Variants in AMBRA1 observed in about 807,000 individuals in gnomAD.
AMBRA1 encodes the protein autophagy and beclin 1 regulator 1.
In AMBRA1, 47 loss-of-function variants were observed where a neutral mutation model predicts 125.4. The observed-to-expected ratio is 0.37, with a 90% CI of 0.30 to 0.48. The LOEUF is 0.48. Among genes scored for constraint, AMBRA1 ranks in the 20% least tolerant of loss-of-function variants. The probability of loss-of-function intolerance (pLI) is 0.99; values close to 1 mark genes in which losing one functional copy is unlikely to be tolerated. For synonymous variants in AMBRA1, 626 were observed against 655.5 expected (o/e 0.95, Z 0.69); for missense variants, 1,331 against 1,693.4 (o/e 0.79, Z 3.76).
chr11:46,431,965 G>A (rs1947472813), intron 14 of AMBRA1, among the ~76,000 whole-genome samples: 1 of 152,170 alleles, frequency 6.6e-6, no homozygotes, highest in Non-Finnish European at 1.5e-5. Flanking sequence ...GGTGGGACAT[G>A]ATGTTATGTT....
intron 12 of AMBRA1, 149 bp from the exon 13 acceptor site, chr11:46,435,186 C>G (rs1947661943): frequency 1.4e-6 from 1 of 733,574 alleles, no homozygotes; most frequent in African/African-American, 1.8e-5. Context: ...ACTAAAATGT[C>G]AAATGAACAA....
At chr11:46,481,200 G>A (rs1267205321) in intron 11 of AMBRA1, among the ~76,000 whole-genome samples, 5 of 152,096 alleles carry the variant, frequency 3.3e-5, no homozygotes, top group Non-Finnish European at 5.9e-5. Flanking sequence ...GCTCTGTTTT[G>A]GAATGTAATC....
chr11:46,406,977 G>C (rs192202461), intron 17 of AMBRA1, among the ~76,000 whole-genome samples: 1 of 150,688 alleles, frequency 6.6e-6, no homozygotes, highest in Non-Finnish European at 1.5e-5. Context: ...TCAGGAGTTC[G>C]AGACCAGCCT....
intron 14 of AMBRA1, among the ~76,000 whole-genome samples, chr11:46,425,323 T>TGC (rs1464969654): frequency 6.8e-6 from 1 of 146,306 alleles, no homozygotes; most frequent in Non-Finnish European, 1.5e-5. Flanking sequence ...TGTGTGTGTG[T>TGC]GTGTGTGTGT....
intron 17 of AMBRA1, among the ~76,000 whole-genome samples, chr11:46,401,293 T>G (rs889397436): frequency 9.9e-5 from 15 of 152,036 alleles, no homozygotes; most frequent in African/African-American, 3.4e-4. Context: ...CAGACTGGAG[T>G]GCAGTGACAT....
chr11:46,548,723 T>G (rs2042898994), intron 1 of AMBRA1, among the ~76,000 whole-genome samples: 1 of 152,222 alleles, frequency 6.6e-6, no homozygotes, highest in Non-Finnish European at 1.5e-5. Context: ...CCAAGCACAG[T>G]GGCTCACGCC....
At chr11:46,469,075 G>A (rs568192536) in intron 11 of AMBRA1, among the ~76,000 whole-genome samples, 17 of 152,154 alleles carry the variant, frequency 1.1e-4, no homozygotes, top group Admixed American at 1.0e-3. Flanking sequence ...CCTGGGAGGC[G>A]GAGGTTGCAG....
chr11:46,562,239 G>A (rs1192872977), intron 1 of AMBRA1, among the ~76,000 whole-genome samples: 2 of 152,162 alleles, frequency 1.3e-5, no homozygotes, highest in Non-Finnish European at 2.9e-5. Flanking sequence ...ATTTCAAGGA[G>A]GATGAGGAGT....
intron 7 of AMBRA1, among the ~76,000 whole-genome samples, chr11:46,529,757 C>G (rs1952131747): frequency 6.6e-6 from 1 of 152,074 alleles, no homozygotes; most frequent in Non-Finnish European, 1.5e-5. Flanking sequence ...AAAAAAACAT[C>G]CAAATTTTTA....
Position 46,547,178 on chromosome 11 carries a change from G to A in AMBRA1, c.313C>T (p.Pro105Ser), listed in dbSNP as rs755108395. The A allele has an allele frequency of 2.5e-6, 4 of 1,614,080 alleles. No homozygotes were observed. The African/African-American group carries it at 4.0e-5, about 16-fold the overall frequency. The part of the protein sequence containing the change: ...RRTPWCVTFH[P>S]TISGLIASGC... ...GAAGCAATAAGGCCTGAGATGGTGGGATGAAAAGTGACACACCATGGAGTA... is the reference window on the plus strand; with the variant it reads ...GAAGCAATAAGGCCTGAGATGGTGGAATGAAAAGTGACACACCATGGAGTA... The change falls in exon 4 of 18, where the codon CCC (proline) becomes TCC (serine). Residue 105 changes from proline to serine, a missense_variant. This residue lies in a region of AMBRA1 where 144 missense variants were observed against 250.4 expected (regional missense o/e 0.58). Coordinates refer to ENST00000683756, the MANE Select transcript of AMBRA1 (RefSeq NM_001387011.1).
At chr11:46,532,120 GAAAT>G (rs1051303698) in intron 7 of AMBRA1, among the ~76,000 whole-genome samples, 1 of 152,000 alleles carries the variant, frequency 6.6e-6, no homozygotes, top group Non-Finnish European at 1.5e-5. Flanking sequence ...CTATGTCTCA[GAAAT>G]AAATTAATTA....
chr11:46,494,341 A>C, intron 9 of AMBRA1, 137 bp from the exon 10 acceptor site: 2 of 645,940 alleles, frequency 3.1e-6, no homozygotes, highest in Non-Finnish European at 5.4e-6. Flanking sequence ...CTGGCTGCTC[A>C]CTAATTAGGC....
At chr11:46,449,910 T>G (rs2136780511) in intron 11 of AMBRA1, among the ~76,000 whole-genome samples, 1 of 152,144 alleles carries the variant, frequency 6.6e-6, no homozygotes, top group South Asian at 2.1e-4. Flanking sequence ...AATACAAAAA[T>G]TAGCGGGGCG....
At chr11:46,475,238 GAGA>G (rs775253113) in intron 11 of AMBRA1, among the ~76,000 whole-genome samples, 1 of 152,210 alleles carries the variant, frequency 6.6e-6, no homozygotes, top group Non-Finnish European at 1.5e-5. Flanking sequence ...TTATGAATAA[GAGA>G]AGAATTCAAG....
chr11:46,583,677 A>AAAAAAAAAAACAAC (rs1565324615), intron 1 of AMBRA1, among the ~76,000 whole-genome samples: 1 of 143,832 alleles, frequency 7.0e-6, no homozygotes, highest in African/African-American at 2.7e-5. Context: ...AAAAAAAAAA[A>AAAAAAAAAAACAAC]AACAACAAAA....
At position 46,590,280 on chromosome 11, in the gene AMBRA1, C is replaced by A. The variant is rs1403673836; in HGVS notation, c.-121+3548G>T. ...ACTTGAACCCAGGAGGCAGAGGCTG[C>A]AGTGAGCCAAGATTGCGCCACTGCC... On this transcript the variant is annotated intron_variant, in intron 1 of 17. Transcript: ENST00000683756. 7.2e-5 allele frequency among the ~76,000 whole-genome samples: 11 copies of A among 151,786 alleles called. No homozygotes were observed. In the East Asian group the frequency reaches 2.0e-3, roughly 27 times the overall value.
chr11:46,573,675 T>C (rs576253780), intron 1 of AMBRA1, among the ~76,000 whole-genome samples: 110 of 151,688 alleles, frequency 7.3e-4, no homozygotes, highest in Middle Eastern at 6.8e-3. Flanking sequence ...TTTTTTTTTT[T>C]TTTATTATAC....
chr11:46,513,377 C>T (rs1169918388), intron 7 of AMBRA1, among the ~76,000 whole-genome samples: 4 of 150,846 alleles, frequency 2.7e-5, no homozygotes, highest in Admixed American at 2.0e-4. Flanking sequence ...CAACTGACAA[C>T]GTTTACTTAT....
intron 12 of AMBRA1, among the ~76,000 whole-genome samples, chr11:46,439,590 T>A (rs887222281): frequency 1.3e-5 from 2 of 152,062 alleles, no homozygotes; most frequent in African/African-American, 4.8e-5. Flanking sequence ...TTATAAATGA[T>A]CTCCCTAATG....
Sources: gnomAD v4.1 joint callset for allele counts (sites outside exome capture counted in the v4.1 genomes callset) on GRCh38, gnomAD v4.1.1 for gene constraint, gnomAD v4.1.1 regional missense constraint, MANE v1.5 for transcripts, NCBI Gene and HGNC (gene_info 2026-07-23, HGNC 2026-07-21) for gene names.